COP1: variants seen among roughly 807,000 people sequenced by gnomAD.
COP1 encodes the protein E3 ubiquitin-protein ligase COP1.
A neutral mutation model predicts 101.3 loss-of-function variants in COP1; 24 were observed. The ratio of observed to expected loss-of-function variants is 0.24; its 90% CI spans 0.17 to 0.33. The LOEUF is 0.33. Among genes scored for constraint, COP1 ranks in the 10% least tolerant of loss-of-function variants. The pLI is 1.00. For missense variants in COP1, 663 were observed against 906.2 expected (o/e 0.73, Z 3.45); for synonymous variants, 347 against 341.9 (o/e 1.01, Z -0.17).
At chr1:176,085,271 C>A (rs1008065512) in intron 10 of COP1, among the ~76,000 whole-genome samples, 1 of 151,430 alleles carries the variant, frequency 6.6e-6, no homozygotes, top group Non-Finnish European at 1.5e-5. Context: ...TTTTTTTTTA[C>A]TATCAGTTGT....
At chr1:176,111,344 A>G (rs553781984) in intron 9 of COP1, among the ~76,000 whole-genome samples, 1 of 151,972 alleles carries the variant, frequency 6.6e-6, no homozygotes, top group East Asian at 1.9e-4. Flanking sequence ...GCCAGGCTGG[A>G]GTGCAATGGC....
intron 8 of COP1, among the ~76,000 whole-genome samples, chr1:176,127,649 A>ATTCATCCAT (rs1449803490): frequency 9.2e-5 from 14 of 151,674 alleles, no homozygotes; most frequent in African/African-American, 3.4e-4. Flanking sequence ...TTTTAAATTC[A>ATTCATCCAT]TTCATCCATT....
At chr1:176,116,021 T>C (rs1473681243) in intron 9 of COP1, among the ~76,000 whole-genome samples, 4 of 152,244 alleles carry the variant, frequency 2.6e-5, no homozygotes, top group Admixed American at 2.6e-4. Flanking sequence ...AACTATGTTC[T>C]GATTATTCAT....
At chr1:175,965,562 T>C (rs1651905158) in intron 18 of COP1, among the ~76,000 whole-genome samples, 2 of 139,156 alleles carry the variant, frequency 1.4e-5, no homozygotes, top group Non-Finnish European at 3.1e-5. Context: ...ATTTCACTTA[T>C]CTGGGTTTTT....
At chr1:176,025,708 G>A (rs1466316830) in intron 15 of COP1, among the ~76,000 whole-genome samples, 1 of 151,874 alleles carries the variant, frequency 6.6e-6, no homozygotes, top group Non-Finnish European at 1.5e-5. Flanking sequence ...TGAGCAACAT[G>A]GCAAAACCTC....
chr1:176,185,052 C>T (rs114376530), intron 1 of COP1, among the ~76,000 whole-genome samples: 4 of 152,074 alleles, frequency 2.6e-5, no homozygotes, highest in East Asian at 3.9e-4. Context: ...TACTCAAAAG[C>T]GTGTACCGAG....
intron 1 of COP1, among the ~76,000 whole-genome samples, chr1:176,190,034 T>C (rs1184060000): frequency 1.3e-5 from 2 of 151,654 alleles, no homozygotes; most frequent in Non-Finnish European, 2.9e-5. Context: ...AAAAAAAAGA[T>C]GGTTATTATA....
intron 1 of COP1, among the ~76,000 whole-genome samples, chr1:176,187,578 A>AC (rs1357495345): frequency 4.6e-5 from 7 of 152,064 alleles, no homozygotes; most frequent in African/African-American, 1.4e-4. Context: ...TCACAGTTCT[A>AC]CCCCACAGCT....
At chr1:176,046,401 G>T (rs1380625262) in intron 11 of COP1, 77 bp from the exon 12 acceptor site, 2 of 1,365,892 alleles carry the variant, frequency 1.5e-6, no homozygotes, top group Non-Finnish European at 2.0e-6. Flanking sequence ...GGTCTACAAG[G>T]ATAAAAGATC....
intron 18 of COP1, among the ~76,000 whole-genome samples, chr1:175,980,672 A>G (rs1263024624): frequency 6.6e-6 from 1 of 151,852 alleles, no homozygotes; most frequent in Non-Finnish European, 1.5e-5. Context: ...TGTCCACCCT[A>G]ATGACCACTG....
At chr1:176,135,179 G>A in intron 7 of COP1, 93 bp from the exon 8 acceptor site, 1 of 774,274 alleles carries the variant, frequency 1.3e-6, no homozygotes, top group Non-Finnish European at 2.1e-6. Context: ...CTATTCCCAG[G>A]TTTTCATCAG....
intron 14 of COP1, among the ~76,000 whole-genome samples, chr1:176,032,209 C>T (rs1485753137): frequency 6.6e-6 from 1 of 152,088 alleles, no homozygotes; most frequent in East Asian, 1.9e-4. Flanking sequence ...CAGAAAGTTA[C>T]CCATATGAGT....
intron 10 of COP1, among the ~76,000 whole-genome samples, chr1:176,082,463 A>G (rs900079263): frequency 6.6e-6 from 1 of 152,232 alleles, no homozygotes; most frequent in Admixed American, 6.5e-5. Flanking sequence ...GTTATCTTGA[A>G]AATAACTGTT....
chr1:176,044,386 C>A (rs1671142692), intron 12 of COP1, among the ~76,000 whole-genome samples: 1 of 152,190 alleles, frequency 6.6e-6, no homozygotes, highest in African/African-American at 2.4e-5. Flanking sequence ...CAGAAGTCTA[C>A]AACATCTAAA....
intron 12 of COP1, among the ~76,000 whole-genome samples, chr1:176,045,629 T>C (rs1208269389): frequency 1.3e-5 from 2 of 151,280 alleles, no homozygotes; most frequent in African/African-American, 4.8e-5. Context: ...TGAGATTTTT[T>C]GGGGAGCAGA....
intron 8 of COP1, among the ~76,000 whole-genome samples, chr1:176,123,566 A>T (rs180954988): frequency 6.6e-6 from 1 of 152,282 alleles, no homozygotes; most frequent in East Asian, 1.9e-4. Context: ...ATTAACAGGG[A>T]ATGGCTGGTA....
At chr1:176,136,604 A>C in intron 6 of COP1, 57 bp from the exon 7 acceptor site, 18 of 1,102,866 alleles carry the variant, frequency 1.6e-5, no homozygotes, top group Non-Finnish European at 2.3e-5. Flanking sequence ...CCAAACCAAA[A>C]TGGCATCACC....
intron 9 of COP1, among the ~76,000 whole-genome samples, chr1:176,109,013 G>A (rs1684825722): frequency 6.6e-6 from 1 of 152,002 alleles, no homozygotes; most frequent in Non-Finnish European, 1.5e-5. Context: ...TCGGGAGGCT[G>A]AGGCTGGAGA....
Position 176,008,412 on chromosome 1 carries a change from A to G in COP1, c.1730-18933T>C, listed in dbSNP as rs992286184. Among the ~76,000 whole-genome samples the G allele has an allele frequency of 9.9e-5, 15 of 152,162 alleles. 2 individuals are homozygous for G. The highest frequency in any genetic ancestry group is 8.5e-4 in the Admixed American group (13 of 15,270). ...GTCAAATTTTCTCATGAACCTCTCT[A>G]ATGAATTTTTCATGTTTAGTTATGA... is the stretch of plus-strand genomic sequence containing the variant. On this transcript the variant is annotated intron_variant, in intron 15 of 19. Transcript: ENST00000367669.
Sources: allele counts gnomAD v4.1 joint callset (sites outside exome capture counted in the v4.1 genomes callset), GRCh38; gene constraint gnomAD v4.1.1; transcripts MANE v1.5; gene names NCBI Gene and HGNC (gene_info 2026-07-23, HGNC 2026-07-21).